NTRK3: variants seen among roughly 807,000 people sequenced by gnomAD.
NTRK3 encodes the protein neurotrophic receptor tyrosine kinase 3.
In NTRK3, 24 loss-of-function variants were observed where a neutral mutation model predicts 91.7. That is an observed-to-expected ratio of 0.26 (90% CI 0.19 to 0.37). The LOEUF (loss-of-function observed/expected upper bound fraction) is 0.37. NTRK3 is among the 10% of genes least tolerant of loss of function. The probability of loss-of-function intolerance (pLI) is 1.00; values close to 1 mark genes in which losing one functional copy is unlikely to be tolerated. For synonymous variants in NTRK3, 483 were observed against 404.0 expected (o/e 1.20, Z -2.34); for missense variants, 880 against 1,068.9 (o/e 0.82, Z 2.46).
intron 17 of NTRK3, among the ~76,000 whole-genome samples, chr15:87,887,809 C>A (rs2065636050): frequency 6.6e-6 from 1 of 152,150 alleles, no homozygotes; most frequent in Admixed American, 6.5e-5. Context: ...GTGCTGGCCA[C>A]AGCATGTTAC....
intron 17 of NTRK3, among the ~76,000 whole-genome samples, chr15:87,904,692 G>GT (rs2066652152): frequency 6.6e-6 from 1 of 152,162 alleles, no homozygotes; most frequent in South Asian, 2.1e-4. Context: ...GACATATCTT[G>GT]TATGTGTGAG....
intron 5 of NTRK3, among the ~76,000 whole-genome samples, chr15:88,172,245 C>CT (rs1471642142): frequency 6.6e-6 from 1 of 152,224 alleles, no homozygotes; most frequent in Non-Finnish European, 1.5e-5. Context: ...AGACACAAAC[C>CT]TGTTAGCCTG....
At chr15:87,895,457 C>T (rs756504105) in intron 17 of NTRK3, among the ~76,000 whole-genome samples, 1 of 152,122 alleles carries the variant, frequency 6.6e-6, no homozygotes, top group Non-Finnish European at 1.5e-5. Flanking sequence ...TTTTATTTAA[C>T]CTTGTATATC....
At chr15:88,236,900 T>C (rs1350047117) in intron 3 of NTRK3, among the ~76,000 whole-genome samples, 1 of 152,142 alleles carries the variant, frequency 6.6e-6, no homozygotes, top group Non-Finnish European at 1.5e-5. Flanking sequence ...TGTGGGGAAC[T>C]TTCTGGGGGA....
At chr15:88,048,493 G>A (rs1366202198) in intron 13 of NTRK3, among the ~76,000 whole-genome samples, 2 of 152,160 alleles carry the variant, frequency 1.3e-5, no homozygotes, top group Non-Finnish European at 2.9e-5. Context: ...CCACAGAGAT[G>A]TAGAATGTGG....
exon 19 of NTRK3, chr15:87,861,293 G>A (rs964916972): frequency 1.4e-5 from 3 of 217,654 alleles, no homozygotes; most frequent in African/African-American, 6.8e-5. Flanking sequence ...TCCTCTCAGG[G>A]AACGTAATAT....
intron 12 of NTRK3, 63 bp from the exon 13 acceptor site, chr15:88,126,436 A>T (rs939816058): frequency 7.2e-6 from 8 of 1,111,086 alleles, no homozygotes; most frequent in Middle Eastern, 2.0e-4. Flanking sequence ...CCTTGAAAAT[A>T]ATGTGTGTGC....
At chr15:87,880,543 C>T (rs553258359) in intron 17 of NTRK3, 115 bp from the exon 19 acceptor site, 168 of 1,226,726 alleles carry the variant, frequency 1.4e-4, no homozygotes, top group Admixed American at 3.4e-4. Flanking sequence ...CTAAGATAGT[C>T]ACAGCTTTAT....
chr15:87,882,231 G>C (rs1384935248), intron 17 of NTRK3, among the ~76,000 whole-genome samples: 3 of 152,072 alleles, frequency 2.0e-5, no homozygotes, highest in East Asian at 3.9e-4. Flanking sequence ...TTTCTAATCA[G>C]GATAGTTTTG....
chr15:88,236,658 G>A (rs2051786175), intron 3 of NTRK3, among the ~76,000 whole-genome samples: 1 of 73,874 alleles, frequency 1.4e-5, no homozygotes, highest in Admixed American at 1.8e-4. Flanking sequence ...CGGAAGGGAG[G>A]AAGGGATTAA....
At chr15:88,115,281 C>T (rs2051914234) in intron 13 of NTRK3, among the ~76,000 whole-genome samples, 1 of 152,338 alleles carries the variant, frequency 6.6e-6, no homozygotes, top group African/African-American at 2.4e-5. Flanking sequence ...CCTTGCAAAG[C>T]AGGCACAAAG....
At chr15:87,912,845 A>G (rs906494158) in intron 17 of NTRK3, among the ~76,000 whole-genome samples, 5 of 150,768 alleles carry the variant, frequency 3.3e-5, no homozygotes, top group African/African-American at 1.2e-4. Context: ...GAGAATGTTG[A>G]TAATTGAATC....
chr15:87,907,186 A>G (rs2066821047), intron 17 of NTRK3, among the ~76,000 whole-genome samples: 1 of 152,246 alleles, frequency 6.6e-6, no homozygotes. Context: ...TCCTAAAACC[A>G]AGAGTTTGAA....
intron 17 of NTRK3, among the ~76,000 whole-genome samples, chr15:87,896,844 C>A (rs79002067): frequency 6.6e-6 from 1 of 152,290 alleles, no homozygotes; most frequent in South Asian, 2.1e-4. Flanking sequence ...TGCTTGCCTT[C>A]TTTTTGCCTC....
At chr15:87,965,094 A>T (rs1189010335) in intron 14 of NTRK3, among the ~76,000 whole-genome samples, 1 of 152,246 alleles carries the variant, frequency 6.6e-6, no homozygotes, top group Non-Finnish European at 1.5e-5. Flanking sequence ...AGTAATGTGT[A>T]TGTGCATGTG....
chr15:88,228,884 C>T, intron 3 of NTRK3, among the ~76,000 whole-genome samples: 1 of 152,122 alleles, frequency 6.6e-6, no homozygotes, highest in East Asian at 1.9e-4. Flanking sequence ...CAAGGGATGG[C>T]CAGGTTTGAA....
rs80330709 is a variant in NTRK3 at position 88,230,054 on chromosome 15, A to G, written c.248+25852T>C. On this transcript the variant is annotated intron_variant, in intron 3 of 18. Transcript: ENST00000394480. ...GTGTGAGCGTGTGCTCTGGACTCCA[A>G]TCTAGTTAGTGTTGCTAGCTGGATG... Among the ~76,000 whole-genome samples, 18 of 152,326 alleles carry G rather than the reference A, an allele frequency of 1.2e-4. No individual in the cohort carries two copies. In the East Asian group the frequency reaches 3.5e-3, roughly 29 times the overall value.
chr15:87,988,391 G>C (rs954942034), intron 14 of NTRK3, among the ~76,000 whole-genome samples: 1 of 152,152 alleles, frequency 6.6e-6, no homozygotes, highest in Non-Finnish European at 1.5e-5. Flanking sequence ...GACATTTGGG[G>C]GAAACTGATG....
chr15:88,112,409 C>A (rs548347269), intron 13 of NTRK3, among the ~76,000 whole-genome samples: 11 of 152,310 alleles, frequency 7.2e-5, no homozygotes, highest in African/African-American at 2.2e-4. Context: ...GAACCATGAG[C>A]CCCAGAGGCT....
Sources: gnomAD v4.1 joint callset for allele counts (sites outside exome capture counted in the v4.1 genomes callset) on GRCh38, gnomAD v4.1.1 for gene constraint, MANE v1.5 for transcripts, NCBI Gene and HGNC (gene_info 2026-07-23, HGNC 2026-07-21) for gene names.